The following HDAC1 variants were observed in gnomAD, a reference collection of about 807,000 sequenced individuals.
HDAC1 encodes the protein histone deacetylase 1.
A neutral mutation model predicts 65.5 loss-of-function variants in HDAC1; 18 were observed. The observed-to-expected ratio is 0.27, with a 90% confidence interval of 0.19 to 0.41. The LOEUF (loss-of-function observed/expected upper bound fraction) is 0.41, where lower values mean the gene tolerates loss of function less well. HDAC1 is among the 10% of genes least tolerant of loss of function. The probability of loss-of-function intolerance (pLI) is 1.00; values close to 1 mark genes in which losing one functional copy is unlikely to be tolerated. For synonymous variants in HDAC1, 211 were observed against 227.9 expected (o/e 0.93, Z 0.67); for missense variants, 373 against 625.2 (o/e 0.60, Z 4.30).
At chr1:32,293,695 A>G (rs1640728221) in intron 1 of HDAC1, among the ~76,000 whole-genome samples, 1 of 152,030 alleles carries the variant, frequency 6.6e-6, no homozygotes, top group African/African-American at 2.4e-5. Flanking sequence ...TGAGGTCAGG[A>G]GTTCAAGACC....
At chr1:32,304,279 C>T (rs1640884443) in intron 2 of HDAC1, among the ~76,000 whole-genome samples, 3 of 152,162 alleles carry the variant, frequency 2.0e-5, no homozygotes, top group African/African-American at 7.2e-5. Flanking sequence ...GTGGAGGCAA[C>T]TGGGGAAGCA....
intron 2 of HDAC1, among the ~76,000 whole-genome samples, chr1:32,307,924 A>G (rs1035189547): frequency 6.6e-6 from 1 of 152,216 alleles, no homozygotes; most frequent in Non-Finnish European, 1.5e-5. Flanking sequence ...GATCTTAAGG[A>G]AGAGTTGTTT....
chr1:32,298,967 C>G (rs1640809246), intron 1 of HDAC1, among the ~76,000 whole-genome samples: 1 of 152,000 alleles, frequency 6.6e-6, no homozygotes, highest in Non-Finnish European at 1.5e-5. Flanking sequence ...CCACTGCACT[C>G]CAGCCTGGGT....
intron 1 of HDAC1, among the ~76,000 whole-genome samples, chr1:32,301,669 C>T (rs569825826): frequency 1.6e-4 from 24 of 152,080 alleles, no homozygotes; most frequent in African/African-American, 5.5e-4. Flanking sequence ...ACTTGAGAGG[C>T]TGAGGCAGGA....
intron 2 of HDAC1, among the ~76,000 whole-genome samples, chr1:32,308,557 C>T (rs956698864): frequency 1.3e-5 from 2 of 152,050 alleles, no homozygotes; most frequent in African/African-American, 4.8e-5. Context: ...CTTGATCTGT[C>T]ACCCAGGCTG....
intron 2 of HDAC1, among the ~76,000 whole-genome samples, chr1:32,304,281 G>A (rs927344346): frequency 1.3e-5 from 2 of 152,186 alleles, no homozygotes; most frequent in Non-Finnish European, 2.9e-5. Context: ...GGAGGCAACT[G>A]GGGAAGCAAG....
At position 32,327,403 on chromosome 1, in the gene HDAC1, C is replaced by T. The variant is rs925570021; in HGVS notation, c.495-133C>T. The T allele has an allele frequency of 1.2e-5, 9 of 745,134 alleles. No homozygotes were observed. The highest frequency in any genetic ancestry group is 2.1e-5 in the Non-Finnish European group (9 of 433,272). The allele number at this position is 745,134 out of a possible 1,614,324, so 46.2% of individuals were successfully genotyped here. A position where few individuals can be genotyped will look rare whatever the true frequency, so the allele number is the denominator to read the frequency against. ...ACCCGGCCGCTCTTCCACCTTCCTTCAGCCAGTTTCCACGTCTCTGGTGCT... is the reference window on the plus strand; with the variant it reads ...ACCCGGCCGCTCTTCCACCTTCCTTTAGCCAGTTTCCACGTCTCTGGTGCT... On this transcript the variant is annotated intron_variant, in intron 5 of 13. Coordinates refer to ENST00000373548, the MANE Select transcript of HDAC1 (RefSeq NM_004964.3). The surrounding 1 kb of genome is among the most constrained non-coding windows in gnomAD (Gnocchi z 6.0).
At chr1:32,293,018 AC>A (rs772594009) in intron 1 of HDAC1, among the ~76,000 whole-genome samples, 8 of 152,130 alleles carry the variant, frequency 5.3e-5, no homozygotes, top group Non-Finnish European at 8.8e-5. Context: ...AGAGGACAGG[AC>A]CTTTGAAAAA....
chr1:32,327,456 C>A lies in HDAC1; in HGVS notation c.495-80C>A. ...GAGATACCTGAGGGAGGCAGCCAGC[C>A]CGGTAAGCTGGGAGCTAGCGCCCTT... On this transcript the variant is annotated intron_variant, in intron 5 of 13. Transcript: ENST00000373548. The surrounding 1 kb of genome is among the most constrained non-coding windows in gnomAD (Gnocchi z 6.0). 9.3e-7 allele frequency: 1 copy of A among 1,080,982 alleles called. No individual in the cohort carries two copies. The highest frequency in any genetic ancestry group is 1.4e-6 in the Non-Finnish European group (1 of 711,466). The allele number at this position is 1,080,982 out of a possible 1,614,324, so 67.0% of individuals were successfully genotyped here. A position where few individuals can be genotyped will look rare whatever the true frequency, so the allele number is the denominator to read the frequency against.
intron 3 of HDAC1, among the ~76,000 whole-genome samples, chr1:32,318,977 G>A (rs942176688): frequency 3.9e-5 from 6 of 152,168 alleles, no homozygotes; most frequent in Non-Finnish European, 7.3e-5. Context: ...AAATTAGCTT[G>A]GTTTGGTGGT....
chr1:32,329,214 G>A lies in HDAC1; in HGVS notation c.729+54G>A. On this transcript the variant is annotated intron_variant, in intron 7 of 13. Coordinates refer to ENST00000373548, the MANE Select transcript of HDAC1 (RefSeq NM_004964.3). This position sits in a 1 kb window ranked among gnomAD's most constrained non-coding sequence, Gnocchi z 4.1. Reference sequence around the variant, plus strand: ...ACAAACAGGGGATTGGTTGGCGGTGGAGGGGAGCAAAGCACCCCCACCATA... The same window carrying A: ...ACAAACAGGGGATTGGTTGGCGGTGAAGGGGAGCAAAGCACCCCCACCATA... The A allele has an allele frequency of 9.3e-7, 1 of 1,078,088 alleles. No homozygotes were observed. Among genetic ancestry groups the A allele is most frequent in the South Asian group, 1.2e-5 (1 of 80,302 alleles). The allele number at this position is 1,078,088 out of a possible 1,614,324, so 66.8% of individuals were successfully genotyped here.
chr1:32,294,826 T>C (rs1640746732), intron 1 of HDAC1, among the ~76,000 whole-genome samples: 1 of 151,504 alleles, frequency 6.6e-6, no homozygotes, highest in Non-Finnish European at 1.5e-5. Context: ...AACTTTTTTT[T>C]TTTTTTTTTA....
intron 2 of HDAC1, among the ~76,000 whole-genome samples, chr1:32,307,446 C>A (rs938674545): frequency 6.6e-6 from 1 of 152,062 alleles, no homozygotes; most frequent in African/African-American, 2.4e-5. Context: ...AAAACAAGGG[C>A]TTCTTGAATA....
chr1:32,323,183 C>G (rs1024317221), intron 3 of HDAC1, among the ~76,000 whole-genome samples: 2 of 152,044 alleles, frequency 1.3e-5, no homozygotes, highest in Non-Finnish European at 1.5e-5. Flanking sequence ...TACCTGTAAT[C>G]CCAGCTACTC....
chr1:32,332,903 C>A (rs1047213468), intron 13 of HDAC1, 114 bp from the exon 14 acceptor site: 4 of 1,237,438 alleles, frequency 3.2e-6, no homozygotes, highest in Non-Finnish European at 4.7e-6. Flanking sequence ...CTAGGCAGAG[C>A]TAGGAGCCCC....
In HDAC1 at chr1:32,329,382, T is replaced by C. The variant is rs1641261442; in HGVS notation, c.729+222T>C. On this transcript the variant is annotated intron_variant, in intron 7 of 13. Transcript: ENST00000373548. The surrounding 1 kb of genome is among the most constrained non-coding windows in gnomAD (Gnocchi z 4.1). ...AGGTCTTCTGCTGGATACAAAAATA[T>C]CTAAGACATGATCTTTGCCCTCACG... The C allele has an allele frequency of 1.7e-6, 1 of 598,038 alleles. No homozygotes were observed. The highest frequency in any genetic ancestry group is 2.0e-5 in the South Asian group (1 of 50,736). 37.0% of individuals were successfully genotyped at this position (598,038 alleles called of 1,614,324 possible).
At chr1:32,325,916 A>G (rs990706161) in intron 4 of HDAC1, among the ~76,000 whole-genome samples, 1 of 151,974 alleles carries the variant, frequency 6.6e-6, no homozygotes, top group African/African-American at 2.4e-5. Context: ...AATCCCAGCT[A>G]CTTGGGAGGC....
chr1:32,330,748 C>A lies in HDAC1; in HGVS notation c.839-20C>A. 1 of 1,614,138 alleles carries A rather than the reference C, an allele frequency of 6.2e-7. No individual in the cohort carries two copies. The highest frequency in any genetic ancestry group is 8.5e-7 in the Non-Finnish European group (1 of 1,179,990). On this transcript the variant is annotated intron_variant, in intron 8 of 13. Transcript: ENST00000373548. This position sits in a 1 kb window ranked among gnomAD's most constrained non-coding sequence, Gnocchi z 4.2. ...CCTGCTTGGTGCTCCTGTAACTCAGCACCCCTTCTCCCACCAAAGGACACG... is the reference window on the plus strand; with the variant it reads ...CCTGCTTGGTGCTCCTGTAACTCAGAACCCCTTCTCCCACCAAAGGACACG...
At chr1:32,313,071 A>C (rs1310258157) in intron 2 of HDAC1, among the ~76,000 whole-genome samples, 1 of 150,750 alleles carries the variant, frequency 6.6e-6, no homozygotes, top group African/African-American at 2.4e-5. Context: ...ATTGCCCAAT[A>C]ACTTATTTTA....
Sources: allele counts gnomAD v4.1 joint callset (sites outside exome capture counted in the v4.1 genomes callset), GRCh38; gene constraint gnomAD v4.1.1; non-coding constraint Gnocchi (gnomAD v3.1); transcripts MANE v1.5; gene names NCBI Gene and HGNC (gene_info 2026-07-23, HGNC 2026-07-21).